Variants in TMEM132D observed in about 807,000 individuals in gnomAD.
TMEM132D encodes the protein mature OL transmembrane protein.
In TMEM132D, 21 loss-of-function variants were observed where a neutral mutation model predicts 62.3. That is an observed-to-expected ratio of 0.34 (90% CI 0.24 to 0.49). The LOEUF (loss-of-function observed/expected upper bound fraction) is 0.49. Ranked by LOEUF, TMEM132D falls within the 20% of genes least tolerant of loss-of-function variation. The pLI, the probability that TMEM132D is intolerant of heterozygous loss-of-function variation, is 0.99. For missense variants in TMEM132D, 1,346 were observed against 1,402.8 expected, an observed-to-expected ratio of 0.96 and a Z score of 0.65; for synonymous variants, 621 against 575.6, an observed-to-expected ratio of 1.08 and a Z score of -1.13.
chr12:129,136,088 A>G (rs542228058), intron 5 of TMEM132D, among the ~76,000 whole-genome samples: 22 of 152,306 alleles, frequency 1.4e-4, no homozygotes, highest in African/African-American at 4.8e-4. Context: ...CAGAGTACCT[A>G]AGAGCCAGGA....
At chr12:129,390,525 A>G (rs12813504) in intron 3 of TMEM132D, among the ~76,000 whole-genome samples, 47,984 of 152,044 alleles carry the variant, frequency 0.32, 7,716 homozygotes, top group Non-Finnish European at 0.34. Flanking sequence ...CCATCAACTC[A>G]ACTTAAACTG....
chr12:129,271,572 C>A (rs181551231), intron 4 of TMEM132D, among the ~76,000 whole-genome samples: 1 of 151,466 alleles, frequency 6.6e-6, no homozygotes, highest in Non-Finnish European at 1.5e-5. Flanking sequence ...CCCCCCACCC[C>A]CTAACAGGGC....
chr12:129,597,932 TA>T (rs924161935), intron 2 of TMEM132D, among the ~76,000 whole-genome samples: 16 of 151,658 alleles, frequency 1.1e-4, no homozygotes, highest in African/African-American at 3.6e-4. Context: ...AACAGGAGTT[TA>T]AAAAAAACAC....
chr12:129,164,343 A>G (rs1877480839), intron 5 of TMEM132D, among the ~76,000 whole-genome samples: 2 of 152,324 alleles, frequency 1.3e-5, no homozygotes, highest in Middle Eastern at 3.4e-3. Flanking sequence ...GTCCCCAACA[A>G]TGTGATACCA....
chr12:129,553,446 A>T (rs1876959126), intron 2 of TMEM132D, among the ~76,000 whole-genome samples: 1 of 152,144 alleles, frequency 6.6e-6, no homozygotes, highest in South Asian at 2.1e-4. Context: ...AGGAGAAACT[A>T]CCACGTTGTC....
chr12:129,752,250 C>A (rs1356646314), intron 1 of TMEM132D, among the ~76,000 whole-genome samples: 1 of 152,226 alleles, frequency 6.6e-6, no homozygotes, highest in East Asian at 1.9e-4. Flanking sequence ...CACACACACA[C>A]CCCCCTCAAT....
chr12:129,700,826 C>A, intron 1 of TMEM132D, 128 bp from the exon 2 acceptor site: 1 of 1,069,294 alleles, frequency 9.4e-7, no homozygotes, highest in Non-Finnish European at 1.3e-6. Flanking sequence ...ATTCCTTATC[C>A]AAACCTCTTA....
intron 1 of TMEM132D, among the ~76,000 whole-genome samples, chr12:129,823,269 G>A (rs761768421): frequency 6.6e-6 from 1 of 152,154 alleles, no homozygotes; most frequent in Non-Finnish European, 1.5e-5. Context: ...ACCTAGTCTC[G>A]ACTATTTCTT....
At chr12:129,647,336 T>A (rs1364864673) in intron 2 of TMEM132D, among the ~76,000 whole-genome samples, 1 of 148,846 alleles carries the variant, frequency 6.7e-6, no homozygotes, top group Non-Finnish European at 1.5e-5. Flanking sequence ...TGTATGCACA[T>A]GCCCTGAGAC....
rs575628199 is a variant in TMEM132D, at chr12:129,084,439, T to C, written c.1649+58A>G. 4.7e-6 allele frequency: 7 copies of C among 1,494,458 alleles called. No individual in the cohort carries two copies. The South Asian group carries it at 9.7e-5, about 21-fold the overall frequency. The allele number at this position is 1,494,458 out of a possible 1,614,324, so 92.6% of individuals were successfully genotyped here. On this transcript the variant is annotated intron_variant, in intron 6 of 8. Coordinates refer to ENST00000422113, the MANE Select transcript of TMEM132D (RefSeq NM_133448.3). ...ATCCTCAGACCCAGTCATGCCCAAA[T>C]TTACCACCCCGTACACTTCCTCCTT...
intron 1 of TMEM132D, among the ~76,000 whole-genome samples, chr12:129,843,571 A>C (rs144691994): frequency 8.5e-5 from 13 of 152,348 alleles, no homozygotes; most frequent in Non-Finnish European, 1.6e-4. Context: ...AGAAACAAAA[A>C]TAAGCAAACA....
chr12:129,168,259 T>G (rs1877621069), intron 5 of TMEM132D, among the ~76,000 whole-genome samples: 1 of 152,188 alleles, frequency 6.6e-6, no homozygotes, highest in South Asian at 2.1e-4. Flanking sequence ...GGATTTTTTT[T>G]TTACCAACAA....
At chr12:129,826,179 C>T (rs969305181) in intron 1 of TMEM132D, among the ~76,000 whole-genome samples, 3 of 152,256 alleles carry the variant, frequency 2.0e-5, no homozygotes, top group East Asian at 1.9e-4. Flanking sequence ...CTTCAAGGGC[C>T]GCACGTGTCT....
At chr12:129,426,628 C>A (rs931521483) in intron 3 of TMEM132D, among the ~76,000 whole-genome samples, 1 of 152,136 alleles carries the variant, frequency 6.6e-6, no homozygotes, top group Non-Finnish European at 1.5e-5. Context: ...TTGGAGCAAG[C>A]GCTTATTGAG....
rs921295584 is a variant in TMEM132D, at chr12:129,827,633, A to G, written c.79+75628T>C. Among the ~76,000 whole-genome samples, 1 of 152,152 alleles carries G rather than the reference A, an allele frequency of 6.6e-6. No individual in the cohort carries two copies. Among genetic ancestry groups the G allele is most frequent in the Non-Finnish European group, 1.5e-5 (1 of 68,036 alleles). On this transcript the variant is annotated intron_variant, in intron 1 of 8. Transcript: ENST00000422113. The surrounding 1 kb of genome is among the most constrained non-coding windows in gnomAD (Gnocchi z 9.7). ...AGTTCACTAAATTAAATTTCAAAAC[A>G]TTCCTTGCCATAGACCCAGACATCC...
chr12:129,330,897 G>A (rs999398213), intron 4 of TMEM132D, among the ~76,000 whole-genome samples: 2 of 152,200 alleles, frequency 1.3e-5, no homozygotes, highest in South Asian at 4.1e-4. Flanking sequence ...GGGACATACT[G>A]AGCCTATGTC....
At chr12:129,709,872 C>A (rs774951140) in intron 1 of TMEM132D, among the ~76,000 whole-genome samples, 5 of 152,114 alleles carry the variant, frequency 3.3e-5, no homozygotes, top group Admixed American at 6.5e-5. Context: ...ATTTTATGTA[C>A]CACTAAGAGG....
At chr12:129,189,390 G>A (rs770537670) in intron 5 of TMEM132D, among the ~76,000 whole-genome samples, 2 of 152,158 alleles carry the variant, frequency 1.3e-5, no homozygotes, top group African/African-American at 2.4e-5. Flanking sequence ...TGGGAAGTAA[G>A]GAAGATGGAC....
intron 1 of TMEM132D, among the ~76,000 whole-genome samples, chr12:129,841,942 T>G (rs1220215790): frequency 3.3e-5 from 5 of 150,812 alleles, no homozygotes; most frequent in Non-Finnish European, 4.4e-5. Context: ...TGTTTTTTTT[T>G]TTTTTTGAGA....
Sources: allele counts gnomAD v4.1 joint callset (sites outside exome capture counted in the v4.1 genomes callset), GRCh38; gene constraint gnomAD v4.1.1; non-coding constraint Gnocchi (gnomAD v3.1); transcripts MANE v1.5; gene names NCBI Gene and HGNC (gene_info 2026-07-23, HGNC 2026-07-21).